Variants in TNRC6B observed in about 807,000 individuals in gnomAD.
The protein encoded by TNRC6B is trinucleotide repeat-containing gene 6B protein.
TNRC6B carries 52 observed loss-of-function variants against 203.6 expected under a neutral mutation model. The observed-to-expected ratio is 0.26, with a 90% CI of 0.20 to 0.32. The LOEUF is 0.32. Among genes scored for constraint, TNRC6B ranks in the 10% least tolerant of loss-of-function variants. The pLI is 1.00. For missense variants in TNRC6B, 1,923 were observed against 2,286.2 expected (o/e 0.84, Z 3.24); for synonymous variants, 838 against 845.7 (o/e 0.99, Z 0.16).
At chr22:40,148,790 A>C (rs1326569275) in intron 3 of TNRC6B, among the ~76,000 whole-genome samples, 1 of 152,120 alleles carries the variant, frequency 6.6e-6, no homozygotes, top group Non-Finnish European at 1.5e-5. Context: ...GTTCATATTA[A>C]AAGGGGGGAA....
intron 2 of TNRC6B, among the ~76,000 whole-genome samples, chr22:40,247,123 T>C (rs2070118110): frequency 2.6e-5 from 4 of 152,302 alleles, no homozygotes; most frequent in South Asian, 2.1e-4. Flanking sequence ...ACCATTCTTT[T>C]TGCATCTCTT....
intron 3 of TNRC6B, among the ~76,000 whole-genome samples, chr22:40,127,890 T>A (rs2068508232): frequency 6.6e-6 from 1 of 152,126 alleles, no homozygotes; most frequent in Non-Finnish European, 1.5e-5. Flanking sequence ...GAAGATTGGA[T>A]TTCTGGCTAG....
Position 40,270,246 on chromosome 22 carries a change from C to G in TNRC6B, c.2931C>G (p.Asn977Lys). The G allele has an allele frequency of 3.4e-6, 5 of 1,488,606 alleles. No individual in the cohort carries two copies. Among genetic ancestry groups the G allele is most frequent in the Non-Finnish European group, 4.5e-6 (5 of 1,112,966 alleles). 92.2% of individuals were successfully genotyped at this position (1,488,606 alleles called of 1,614,324 possible). Residue 977 changes from asparagine to lysine, a missense_variant, in exon 6 of 23, where the codon AAC (asparagine) becomes AAG (lysine). Asn to Lys is a moderately conservative substitution (Grantham distance 94). Around this residue, in one of 8 missense-constraint regions of TNRC6B, gnomAD observed 599 missense variants for 656.5 expected, o/e 0.91. Transcript: ENST00000454349. ...GAGCATCGACCACAGGCTGGGGGAA[C>G]ACGCCCGCCAACGCTCCCAATGCCA... Reference protein sequence around the residue: ...DTGASTTGWGNTPANAPNAMK... With the variant: ...DTGASTTGWGKTPANAPNAMK...
chr22:40,064,180 C>T (rs1376864786), intron 1 of TNRC6B, among the ~76,000 whole-genome samples: 3 of 152,230 alleles, frequency 2.0e-5, no homozygotes, highest in Non-Finnish European at 4.4e-5. Context: ...TATACAGGAT[C>T]ATGTCATCTG....
At chr22:40,260,423 C>T (rs188128644) in intron 3 of TNRC6B, among the ~76,000 whole-genome samples, 7 of 151,836 alleles carry the variant, frequency 4.6e-5, no homozygotes, top group Non-Finnish European at 8.8e-5. Context: ...AAGTCATGGC[C>T]TGGTGAGGGA....
chr22:40,194,436 C>T (rs1048225212), intron 1 of TNRC6B, among the ~76,000 whole-genome samples: 19 of 152,166 alleles, frequency 1.2e-4, no homozygotes, highest in Admixed American at 9.2e-4. Context: ...AGAAACCAGA[C>T]AAAATACTTC....
intron 22 of TNRC6B, among the ~76,000 whole-genome samples, chr22:40,322,346 T>C (rs1457651321): frequency 1.3e-5 from 2 of 152,216 alleles, no homozygotes; most frequent in Non-Finnish European, 2.9e-5. Context: ...TTGTCAAGAT[T>C]GCTGAACCCC....
chr22:40,166,008 C>T (rs1371417230), intron 4 of TNRC6B, among the ~76,000 whole-genome samples: 3 of 152,046 alleles, frequency 2.0e-5, no homozygotes, highest in Non-Finnish European at 2.9e-5. Context: ...CAGAAAATGC[C>T]TTTCTAGCCA....
chr22:40,259,581 G>C (rs1167407858), intron 3 of TNRC6B, among the ~76,000 whole-genome samples: 2 of 152,076 alleles, frequency 1.3e-5, no homozygotes, highest in Non-Finnish European at 2.9e-5. Flanking sequence ...TGGATCCTCT[G>C]ACCTCCACTC....
chr22:40,112,446 C>A (rs1428164359), intron 1 of TNRC6B, among the ~76,000 whole-genome samples: 17 of 152,134 alleles, frequency 1.1e-4, no homozygotes, highest in Admixed American at 1.1e-3. Context: ...CCACCCCAAA[C>A]CCTGCCCATG....
intron 4 of TNRC6B, among the ~76,000 whole-genome samples, chr22:40,171,809 C>G (rs1569007026): frequency 6.6e-6 from 1 of 152,126 alleles, no homozygotes; most frequent in Non-Finnish European, 1.5e-5. Flanking sequence ...CTCCCAGGTC[C>G]TAGCCTCCTG....
chr22:40,099,850 A>T (rs1482998705), intron 1 of TNRC6B, among the ~76,000 whole-genome samples: 1 of 152,032 alleles, frequency 6.6e-6, no homozygotes, highest in African/African-American at 2.4e-5. Flanking sequence ...TCTCGGGCTC[A>T]CGCCATTCTC....
At chr22:40,045,671 A>AG (rs1267789576) in intron 1 of TNRC6B, 10 of 152,198 alleles carry the variant, frequency 6.6e-5, no homozygotes, top group Non-Finnish European at 1.3e-4. Context: ...CAAGGAAACG[A>AG]GGGGCACGGA....
chr22:40,311,739 C>T (rs2071186411), intron 17 of TNRC6B, among the ~76,000 whole-genome samples: 1 of 152,014 alleles, frequency 6.6e-6, no homozygotes, highest in East Asian at 1.9e-4. Flanking sequence ...GACAGGGTTT[C>T]GCCATGTTGG....
At position 40,074,725 on chromosome 22, in the gene TNRC6B, G is replaced by A. The variant is rs1178243348; in HGVS notation, c.-121+29727G>A. On this transcript the variant is annotated intron_variant, in intron 1 of 23. Transcript: ENST00000301923. ...ACCCTGGAGGTGGAGCTTGCAGTGA[G>A]CCGAGATCACGCCACTGCACTCCAG... is the stretch of plus-strand genomic sequence containing the variant. 2.0e-5 allele frequency among the ~76,000 whole-genome samples: 3 copies of A among 151,846 alleles called. No homozygotes were observed. In the East Asian group the frequency reaches 5.8e-4, roughly 29 times the overall value.
intron 4 of TNRC6B, among the ~76,000 whole-genome samples, chr22:40,163,684 C>T (rs2068892432): frequency 6.6e-6 from 1 of 151,602 alleles, no homozygotes; most frequent in South Asian, 2.1e-4. Flanking sequence ...TCACTTGAAC[C>T]CGGGAGGTGG....
At chr22:40,180,059 T>G (rs551450164) in intron 1 of TNRC6B, among the ~76,000 whole-genome samples, 57 of 152,320 alleles carry the variant, frequency 3.7e-4, no homozygotes, top group Non-Finnish European at 6.6e-4. Context: ...AAACATTACA[T>G]TAAAGAGGTA....
At position 40,273,474 on chromosome 22, in the gene TNRC6B, A is replaced by G; in HGVS notation, c.3015A>G (p.Thr1005=). ...GGGGGGAGAGTGACGGGCCAGTCAC[A>G]GGAGCTCGCCATCCCAGCTGGGAAG... ...DGWGESDGPV[T]GARHPSWEEE... is the part of the protein sequence containing the mutation. Residue 1005 remains threonine (T), a synonymous_variant, in exon 7 of 23, where the codon ACA becomes ACG. Transcript: ENST00000454349. 1 of 1,609,796 alleles carries G rather than the reference A, an allele frequency of 6.2e-7. No individual in the cohort carries two copies. The highest frequency in any genetic ancestry group is 8.5e-7 in the Non-Finnish European group (1 of 1,177,998).
intron 16 of TNRC6B, 44 bp downstream of exon 16, chr22:40,308,693 T>G (rs200549905): frequency 6.4e-7 from 1 of 1,565,068 alleles, no homozygotes; most frequent in Non-Finnish European, 8.6e-7. Context: ...CCACAGCAGG[T>G]CTTGATGAAA....
Sources: gnomAD v4.1 joint callset for allele counts (sites outside exome capture counted in the v4.1 genomes callset) on GRCh38, gnomAD v4.1.1 for gene constraint, gnomAD v4.1.1 regional missense constraint, MANE v1.5 for transcripts, NCBI Gene and HGNC (gene_info 2026-07-23, HGNC 2026-07-21) for gene names.